Variants in DYTN observed in about 807,000 individuals in gnomAD.
DYTN encodes dystrotelin.
Under a neutral mutation model 69.6 loss-of-function variants are expected in DYTN, and 75 were observed. The ratio of observed to expected loss-of-function variants is 1.08; its 90% CI spans 0.89 to 1.31. The LOEUF (loss-of-function observed/expected upper bound fraction) is 1.31, where lower values mean the gene tolerates loss of function less well. Among genes scored for constraint, DYTN ranks in the 50% most tolerant of loss-of-function variants. The pLI, the probability that DYTN is intolerant of heterozygous loss-of-function variation, is 0.00. For missense variants in DYTN, 726 were observed against 688.4 expected (o/e 1.05, Z -0.61); for synonymous variants, 252 against 249.1 (o/e 1.01, Z -0.11).
intron 7 of DYTN, among the ~76,000 whole-genome samples, chr2:206,696,079 GAGA>G (rs1699917379): frequency 6.6e-6 from 1 of 152,242 alleles, no homozygotes; most frequent in Non-Finnish European, 1.5e-5. Flanking sequence ...GAAAGGCATG[GAGA>G]AGAGGGGTAT....
chr2:206,705,966 T>C (rs1400473846), intron 3 of DYTN, 93 bp from the exon 4 acceptor site: 12 of 1,400,070 alleles, frequency 8.6e-6, no homozygotes, highest in Non-Finnish European at 1.1e-5. Flanking sequence ...TAATGGGCAT[T>C]TCTGATATGG....
At chr2:206,681,837 C>CT (rs1403891902) in intron 9 of DYTN, among the ~76,000 whole-genome samples, 1 of 152,050 alleles carries the variant, frequency 6.6e-6, no homozygotes, top group African/African-American at 2.4e-5. Flanking sequence ...CTGAAGTTTT[C>CT]TTTTTTTGTT....
chr2:206,697,988 G>C (rs1032629532), intron 7 of DYTN, among the ~76,000 whole-genome samples: 2 of 152,142 alleles, frequency 1.3e-5, no homozygotes, highest in Admixed American at 1.3e-4. Context: ...CAATGTAAAA[G>C]TTGTGTTTTA....
intron 9 of DYTN, among the ~76,000 whole-genome samples, chr2:206,685,715 C>T (rs2105895142): frequency 6.6e-6 from 1 of 152,194 alleles, no homozygotes; most frequent in Non-Finnish European, 1.5e-5. Context: ...CCCACCCACC[C>T]TGGGCACGGG....
At position 206,675,115 on chromosome 2, in the gene DYTN, ATGTGTGTG is replaced by A. The variant is rs757679127; in HGVS notation, c.981-9094_981-9087del. Reference sequence around the variant, plus strand: ...TGGAGGGGAAAAAACATATATATATATGTGTGTGTGTGTGTGTGTGTGTGTGTGTGTAT... The same window carrying A: ...TGGAGGGGAAAAAACATATATATATATGTGTGTGTGTGTGTGTGTGTGTAT... On this transcript the variant is annotated intron_variant, in intron 9 of 11. Transcript: ENST00000452335. Among the ~76,000 whole-genome samples, 10 of 131,544 alleles carry A rather than the reference ATGTGTGTG, an allele frequency of 7.6e-5. No homozygotes were observed. In the South Asian group the frequency reaches 9.9e-4, roughly 13 times the overall value. The allele number at this position is 131,544 out of a possible 152,430, so 86.3% of individuals were successfully genotyped here.
intron 7 of DYTN, among the ~76,000 whole-genome samples, chr2:206,697,209 A>G (rs1699928615): frequency 6.6e-6 from 1 of 152,136 alleles, no homozygotes; most frequent in Admixed American, 6.5e-5. Context: ...GAAACTACCT[A>G]CAGGTATATG....
At chr2:206,656,737 TA>T (rs754355110) in intron 11 of DYTN, among the ~76,000 whole-genome samples, 5 of 151,978 alleles carry the variant, frequency 3.3e-5, no homozygotes, top group Non-Finnish European at 7.4e-5. Flanking sequence ...TTTTCACTTT[TA>T]GTTCCCATAC....
At chr2:206,705,718 A>G (rs1272791773) in intron 4 of DYTN, 70 bp downstream of exon 4, 5 of 1,397,748 alleles carry the variant, frequency 3.6e-6, no homozygotes, top group Non-Finnish European at 1.0e-6. Context: ...TGTGGCAGGG[A>G]TATAGGATAA....
rs935403362 is a variant in DYTN at position 206,662,887 on chromosome 2, A to G, written c.1633+16T>C. 1.2e-6 allele frequency: 2 copies of G among 1,602,868 alleles called. No homozygotes were observed. The highest frequency in any genetic ancestry group is 1.4e-5 in the African/African-American group (1 of 74,024). ...TCCTTGGCCATCACGATGTCTATGG[A>G]TTGTGAAAACCTTACCTGATGGCGT... On this transcript the variant is annotated intron_variant, in intron 11 of 11. Coordinates refer to ENST00000452335, the MANE Select transcript of DYTN (RefSeq NM_001093730.1).
At chr2:206,666,964 G>T (rs1699579104) in intron 9 of DYTN, among the ~76,000 whole-genome samples, 1 of 152,074 alleles carries the variant, frequency 6.6e-6, no homozygotes, top group African/African-American at 2.4e-5. Flanking sequence ...AGGATCACTT[G>T]AGCCCAGGAG....
At chr2:206,700,915 T>C (rs1435258634) in intron 5 of DYTN, 1 of 152,262 alleles carries the variant, frequency 6.6e-6, no homozygotes, top group Non-Finnish European at 1.5e-5. Flanking sequence ...TCCAGCTTCA[T>C]CCATGTACCT....
intron 5 of DYTN, among the ~76,000 whole-genome samples, chr2:206,703,703 T>A (rs1178934118): frequency 1.3e-5 from 2 of 152,188 alleles, no homozygotes; most frequent in Non-Finnish European, 2.9e-5. Context: ...ATCTTCCTCC[T>A]TATCCCGCCC....
intron 1 of DYTN, among the ~76,000 whole-genome samples, chr2:206,711,309 T>C (rs540172573): frequency 6.6e-6 from 1 of 152,324 alleles, no homozygotes; most frequent in African/African-American, 2.4e-5. Flanking sequence ...AGTACAACAA[T>C]AGCGAGCATT....
intron 9 of DYTN, 81 bp downstream of exon 9, chr2:206,693,092 GAA>G: frequency 6.8e-7 from 1 of 1,478,138 alleles, no homozygotes; most frequent in Non-Finnish European, 9.0e-7. Context: ...TTCAGCATTA[GAA>G]AGATTGCTGG....
intron 4 of DYTN, among the ~76,000 whole-genome samples, chr2:206,705,199 C>T (rs960954846): frequency 1.3e-5 from 2 of 152,216 alleles, no homozygotes; most frequent in African/African-American, 2.4e-5. Flanking sequence ...CGGATTCAAG[C>T]GATTCTCTTG....
chr2:206,699,805 T>C lies in DYTN; in HGVS notation c.641A>G (p.His214Arg). ...GACCCTTTCAGCAGCTGATAACCGGTGGCAGGTCGGGAGCCACAGGAGGAT... is the reference window on the plus strand; with the variant it reads ...GACCCTTTCAGCAGCTGATAACCGGCGGCAGGTCGGGAGCCACAGGAGGAT... ...PPILLWLPTC[H>R]RLSAAERVTH... is the part of the protein sequence containing the mutation. The change falls in exon 7 of 12, where the codon CAC becomes CGC. Residue 214 changes from histidine to arginine, a missense_variant. His to Arg is a conservative substitution (Grantham distance 29). Coordinates refer to ENST00000452335, the MANE Select transcript of DYTN (RefSeq NM_001093730.1). 1 of 1,613,770 alleles carries C rather than the reference T, an allele frequency of 6.2e-7. No individual in the cohort carries two copies. The highest frequency in any genetic ancestry group is 1.6e-4 in the Middle Eastern group (1 of 6,062).
chr2:206,674,064 A>G (rs562565478), intron 9 of DYTN, among the ~76,000 whole-genome samples: 28 of 152,310 alleles, frequency 1.8e-4, no homozygotes, highest in Non-Finnish European at 8.8e-5. Flanking sequence ...TATCCTTACA[A>G]ACATCCAAAT....
intron 9 of DYTN, among the ~76,000 whole-genome samples, chr2:206,682,900 A>T (rs1017721048): frequency 2.0e-5 from 3 of 152,188 alleles, no homozygotes; most frequent in Admixed American, 1.3e-4. Flanking sequence ...AAATGCAGGA[A>T]TAGACACATA....
rs190277260 is a variant in DYTN, at chr2:206,660,874, T to C, written c.1633+2029A>G. On this transcript the variant is annotated intron_variant, in intron 11 of 11. Transcript: ENST00000452335. ...CTGACATTATTATGTACTCGGTTTA[T>C]AGCCCTCCAACACTTATGGGCTGAA... Among the ~76,000 whole-genome samples, 543 of 152,328 alleles carry C rather than the reference T, an allele frequency of 3.6e-3. 1 individual carries two copies. The highest frequency in any genetic ancestry group is 6.3e-3 in the Non-Finnish European group (427 of 68,028).
Sources: gnomAD v4.1 joint callset for allele counts (sites outside exome capture counted in the v4.1 genomes callset) on GRCh38, gnomAD v4.1.1 for gene constraint, MANE v1.5 for transcripts, NCBI Gene and HGNC (gene_info 2026-07-23, HGNC 2026-07-21) for gene names.